Variants in PPIP5K2 observed in about 807,000 individuals in gnomAD.
PPIP5K2 encodes the protein diphosphoinositol pentakisphosphate kinase 2.
A neutral mutation model predicts 154.6 loss-of-function variants in PPIP5K2; 105 were observed. The observed-to-expected ratio is 0.68, with a 90% CI of 0.58 to 0.80. The LOEUF (loss-of-function observed/expected upper bound fraction) is 0.80, where lower values mean the gene tolerates loss of function less well. Among genes scored for constraint, PPIP5K2 ranks in the 30% least tolerant of loss-of-function variants. PPIP5K2 has a pLI of 0.00. For synonymous variants in PPIP5K2, 480 were observed against 490.3 expected, an observed-to-expected ratio of 0.98 and a Z score of 0.28; for missense variants, 992 against 1,504.6, an observed-to-expected ratio of 0.66 and a Z score of 5.64.
At chr5:103,162,176 A>G (rs1481866241) in intron 17 of PPIP5K2, among the ~76,000 whole-genome samples, 1 of 151,956 alleles carries the variant, frequency 6.6e-6, no homozygotes, top group African/African-American at 2.4e-5. Flanking sequence ...GACCATTTAG[A>G]TATCCTCTTG....
intron 28 of PPIP5K2, chr5:103,189,287 C>T: frequency 7.7e-7 from 1 of 1,292,388 alleles, no homozygotes. Flanking sequence ...CTGCGCTAAC[C>T]CTTTCATTGT....
chr5:103,175,084 G>C (rs782147871), intron 21 of PPIP5K2, among the ~76,000 whole-genome samples: 1 of 152,002 alleles, frequency 6.6e-6, no homozygotes, highest in Non-Finnish European at 1.5e-5. Context: ...ATTGGTATAC[G>C]CATCTGTGCA....
rs141062469 is a variant in PPIP5K2, at chr5:103,149,721, C to T, written c.906+408C>T. Among the ~76,000 whole-genome samples the T allele has an allele frequency of 5.8e-3, 850 of 147,732 alleles. 5 individuals are homozygous for T. The highest frequency in any genetic ancestry group is 0.02 in the African/African-American group (812 of 40,058). Reference sequence around the variant, plus strand: ...ACATTTCTTTTTTTTTTTTTTGAGACGGAGTCTCGCTGTCACCCAGGCTGG... The same window carrying T: ...ACATTTCTTTTTTTTTTTTTTGAGATGGAGTCTCGCTGTCACCCAGGCTGG... On this transcript the variant is annotated intron_variant, in intron 8 of 30. Transcript: ENST00000358359.
intron 26 of PPIP5K2, among the ~76,000 whole-genome samples, chr5:103,186,029 T>C (rs1800317102): frequency 6.6e-6 from 1 of 152,112 alleles, no homozygotes; most frequent in African/African-American, 2.4e-5. Context: ...TTTAATACTT[T>C]AGGATGTATA....
chr5:103,191,997 A>G (rs1801318406), intron 29 of PPIP5K2, among the ~76,000 whole-genome samples: 1 of 151,988 alleles, frequency 6.6e-6, no homozygotes, highest in Non-Finnish European at 1.5e-5. Flanking sequence ...TCTGACTGTC[A>G]TTCTCTTCTC....
At position 103,150,843 on chromosome 5, in the gene PPIP5K2, CTTTTTTTTTTTT is replaced by C. The variant is rs377739666; in HGVS notation, c.907-397_907-386del. Among the ~76,000 whole-genome samples, 3 of 68,064 alleles carry C rather than the reference CTTTTTTTTTTTT, an allele frequency of 4.4e-5. No homozygotes were observed. The Admixed American group carries it at 5.7e-4, about 13-fold the overall frequency. The allele number at this position is 68,064 out of a possible 152,430, so 44.7% of individuals were successfully genotyped here. A position where few individuals can be genotyped will look rare whatever the true frequency, so the allele number is the denominator to read the frequency against. ...AAAACTATTCTCCACGTCCATCCTC[CTTTTTTTTTTTT>C]TTTTTTTTTTTTATTAACATGGTGT... On this transcript the variant is annotated intron_variant, in intron 8 of 30. Coordinates refer to ENST00000358359, the MANE Select transcript of PPIP5K2 (RefSeq NM_001276277.3).
chr5:103,129,708 G>C lies in PPIP5K2; in HGVS notation c.114+5G>C. ...GATGAGGAGGAAGATGATTCTGTAA[G>C]TTGTTTGTTTTTCCTTTGGCGAGAG... On this transcript the variant is annotated splice_donor_5th_base_variant and intron_variant, in intron 2 of 30. Transcript: ENST00000358359. 6.3e-7 allele frequency: 1 copy of C among 1,594,550 alleles called. No homozygotes were observed. Among genetic ancestry groups the C allele is most frequent in the Non-Finnish European group, 8.5e-7 (1 of 1,173,952 alleles).
At chr5:103,158,112 A>C in intron 14 of PPIP5K2, 76 bp from the exon 15 acceptor site, 1 of 1,480,630 alleles carries the variant, frequency 6.8e-7, no homozygotes, top group South Asian at 1.2e-5. Flanking sequence ...AAGAGAGCAC[A>C]GAGAAAAAAA....
intron 1 of PPIP5K2, 139 bp downstream of exon 1, chr5:103,120,627 G>A: frequency 2.6e-6 from 1 of 388,306 alleles, no homozygotes; most frequent in Non-Finnish European, 5.3e-6. Flanking sequence ...TTGTGCTGGA[G>A]AGAATGACAG....
chr5:103,192,712 A>T (rs1801431896), intron 29 of PPIP5K2, among the ~76,000 whole-genome samples: 1 of 152,158 alleles, frequency 6.6e-6, no homozygotes, highest in Non-Finnish European at 1.5e-5. Flanking sequence ...AATTCAGTTC[A>T]TCAGAGTGTA....
At position 103,173,228 on chromosome 5, in the gene PPIP5K2, G is replaced by A. The variant is rs558653659; in HGVS notation, c.2360G>A (p.Arg787His). The A allele has an allele frequency of 2.5e-6, 4 of 1,611,454 alleles. No homozygotes were observed. Among genetic ancestry groups the A allele is most frequent in the Admixed American group, 1.7e-5 (1 of 59,788 alleles). The change falls in exon 20 of 31, where the codon CGC (arginine) becomes CAC (histidine). Residue 787 changes from arginine to histidine, a missense_variant. Arg to His is a conservative substitution (Grantham distance 29). Transcript: ENST00000358359. ...GYCTPLVRKI[R>H]SDLQRTQDDD... ...TGTACTCCTCTGGTTAGAAAAATTC[G>A]CTCAGACCTTCAGAGGACACAAGAT...
intron 14 of PPIP5K2, among the ~76,000 whole-genome samples, chr5:103,156,788 G>T (rs1027598205): frequency 6.6e-6 from 1 of 152,076 alleles, no homozygotes; most frequent in African/African-American, 2.4e-5. Flanking sequence ...TGCTTATCAG[G>T]ATCTAACCCA....
chr5:103,123,158 A>T (rs1413216627), intron 1 of PPIP5K2, among the ~76,000 whole-genome samples: 1 of 152,234 alleles, frequency 6.6e-6, no homozygotes, highest in Non-Finnish European at 1.5e-5. Flanking sequence ...AAAATATTAA[A>T]CATCTAACAT....
intron 27 of PPIP5K2, 52 bp from the exon 28 acceptor site, chr5:103,187,262 G>A: frequency 1.5e-6 from 2 of 1,368,568 alleles, no homozygotes; most frequent in Non-Finnish European, 2.0e-6. Context: ...TCTTTTAAGT[G>A]TTCTTTTTGT....
At chr5:103,130,381 T>G (rs782127508) in intron 2 of PPIP5K2, among the ~76,000 whole-genome samples, 2 of 152,214 alleles carry the variant, frequency 1.3e-5, no homozygotes, top group African/African-American at 4.8e-5. Context: ...CTGTGAATAC[T>G]GATTTAAAAT....
At chr5:103,176,475 G>A (rs1562474262) in intron 21 of PPIP5K2, among the ~76,000 whole-genome samples, 1 of 151,398 alleles carries the variant, frequency 6.6e-6, no homozygotes, top group Non-Finnish European at 1.5e-5. Context: ...ACATGCATGT[G>A]CGCACACACA....
rs1801876345 is a variant in PPIP5K2 at position 103,195,130 on chromosome 5, C to T, written c.3619+105C>T. 8.7e-6 allele frequency: 12 copies of T among 1,373,946 alleles called. No homozygotes were observed. The South Asian group carries it at 1.7e-4, about 20-fold the overall frequency. The allele number at this position is 1,373,946 out of a possible 1,614,324, so 85.1% of individuals were successfully genotyped here. A position where few individuals can be genotyped will look rare whatever the true frequency, so the allele number is the denominator to read the frequency against. ...GTTTTTAATTAGTATCTTTGCACTT[C>T]CCTAGAGCGTAATGATCCTAAGGGT... On this transcript the variant is annotated intron_variant, in intron 30 of 30. Coordinates refer to ENST00000358359, the MANE Select transcript of PPIP5K2 (RefSeq NM_001276277.3).
rs1213981751 is a variant in PPIP5K2 at position 103,207,206 on chromosome 5, A to G, written c.*5572A>G. 2 of 152,228 alleles carry G rather than the reference A, an allele frequency of 1.3e-5. No individual in the cohort carries two copies. Among genetic ancestry groups the G allele is most frequent in the African/African-American group, 4.8e-5 (2 of 41,462 alleles). The allele number at this position is 152,228 out of a possible 1,614,324, so 9.4% of individuals were successfully genotyped here. A position where few individuals can be genotyped will look rare whatever the true frequency, so the allele number is the denominator to read the frequency against. On this transcript the variant is annotated 3_prime_UTR_variant, in exon 31 of 31. Transcript: ENST00000358359. ...TCAGGCAAAGCCTTTGTAATTGCTT[A>G]TGGTCAGGCCTGAAAGATCACACAT...
intron 17 of PPIP5K2, among the ~76,000 whole-genome samples, chr5:103,163,310 T>C (rs1417368844): frequency 6.6e-6 from 1 of 151,986 alleles, no homozygotes; most frequent in Non-Finnish European, 1.5e-5. Flanking sequence ...AGAGTTCTTG[T>C]GCATCTTTGT....
Sources: allele counts gnomAD v4.1 joint callset (sites outside exome capture counted in the v4.1 genomes callset), GRCh38; gene constraint gnomAD v4.1.1; transcripts MANE v1.5; gene names NCBI Gene and HGNC (gene_info 2026-07-23, HGNC 2026-07-21).